The following MND1 variants were observed in gnomAD, a reference collection of about 807,000 sequenced individuals.
MND1 encodes meiotic nuclear division protein 1 homolog.
In MND1, 28 loss-of-function variants were observed where a neutral mutation model predicts 35.1. The ratio of observed to expected loss-of-function variants is 0.80; its 90% CI spans 0.59 to 1.09. The LOEUF (loss-of-function observed/expected upper bound fraction) is 1.09. MND1 is among the 50% of genes least tolerant of loss of function. The pLI, the probability that MND1 is intolerant of heterozygous loss-of-function variation, is 0.00. For synonymous variants in MND1, 69 were observed against 70.5 expected (o/e 0.98, Z 0.11); for missense variants, 213 against 239.6 (o/e 0.89, Z 0.73).
chr4:153,371,757 G>A (rs1369704920), intron 4 of MND1, among the ~76,000 whole-genome samples: 5 of 152,018 alleles, frequency 3.3e-5, no homozygotes, highest in African/African-American at 1.2e-4. Flanking sequence ...TACTAGATTA[G>A]CACTTTTAAT....
chr4:153,372,126 A>G (rs1379329772), intron 4 of MND1, among the ~76,000 whole-genome samples: 2 of 152,112 alleles, frequency 1.3e-5, no homozygotes, highest in Non-Finnish European at 2.9e-5. Flanking sequence ...TACAATAGTA[A>G]CATCAAGATC....
chr4:153,361,403 C>G (rs528112129), intron 4 of MND1: 49 of 453,538 alleles, frequency 1.1e-4, no homozygotes, highest in African/African-American at 8.0e-4. Flanking sequence ...TTAGTAATCT[C>G]TCTTCTGTTT....
intron 6 of MND1, among the ~76,000 whole-genome samples, chr4:153,408,046 T>TG (rs1346905737): frequency 2.0e-5 from 3 of 152,106 alleles, no homozygotes; most frequent in African/African-American, 7.2e-5. Flanking sequence ...GAGGCCAAGA[T>TG]GGGGTGGATC....
intron 4 of MND1, among the ~76,000 whole-genome samples, chr4:153,379,713 G>A (rs1340740627): frequency 6.6e-6 from 1 of 151,860 alleles, no homozygotes; most frequent in Admixed American, 6.6e-5. Context: ...AGCTGGGCAT[G>A]GTGATGTGTG....
intron 6 of MND1, among the ~76,000 whole-genome samples, chr4:153,404,345 CTTT>C (rs70963176): frequency 3.1e-5 from 4 of 129,732 alleles, no homozygotes; most frequent in African/African-American, 1.2e-4. Flanking sequence ...CCACGCCCAG[CTTT>C]TTTTTTTTTT....
chr4:153,352,461 CTA>C (rs534979533), intron 2 of MND1, among the ~76,000 whole-genome samples: 1 of 152,300 alleles, frequency 6.6e-6, no homozygotes, highest in South Asian at 2.1e-4. Flanking sequence ...CTTGACCTCT[CTA>C]TGTCTGTTTC....
intron 4 of MND1, among the ~76,000 whole-genome samples, chr4:153,377,093 C>T (rs1276610541): frequency 1.3e-5 from 2 of 152,140 alleles, no homozygotes; most frequent in Non-Finnish European, 2.9e-5. Context: ...CCCTGCTGAC[C>T]TCTTCCTTAG....
At chr4:153,378,435 C>T (rs1230483352) in intron 4 of MND1, among the ~76,000 whole-genome samples, 3 of 152,078 alleles carry the variant, frequency 2.0e-5, no homozygotes, top group Admixed American at 2.0e-4. Flanking sequence ...ATAAGTGTTA[C>T]ATAAAAGGGG....
intron 4 of MND1, among the ~76,000 whole-genome samples, chr4:153,379,849 CAAAAAAAA>C (rs34034237): frequency 9.3e-4 from 58 of 62,492 alleles, no homozygotes; most frequent in African/African-American, 2.8e-3. Flanking sequence ...GACTCCATCT[CAAAAAAAA>C]AAAAAAAAAA....
chr4:153,361,875 T>G (rs1773503480), intron 4 of MND1, among the ~76,000 whole-genome samples: 1 of 152,070 alleles, frequency 6.6e-6, no homozygotes, highest in Non-Finnish European at 1.5e-5. Flanking sequence ...TGGTATTACT[T>G]AAGCTGTTTC....
intron 6 of MND1, among the ~76,000 whole-genome samples, chr4:153,405,514 C>T (rs1445509162): frequency 4.1e-5 from 6 of 145,928 alleles, no homozygotes; most frequent in Middle Eastern, 3.6e-3. Context: ...CCAGCCTGGA[C>T]GACAGAGCAA....
At position 153,411,947 on chromosome 4, in the gene MND1, G is replaced by A. The variant is rs990933497; in HGVS notation, c.512-2804G>A. Among the ~76,000 whole-genome samples, 4 of 152,286 alleles carry A rather than the reference G, an allele frequency of 2.6e-5. 1 individual carries two copies. Among genetic ancestry groups the A allele is most frequent in the Middle Eastern group, 3.4e-3 (1 of 294 alleles). On this transcript the variant is annotated intron_variant, in intron 7 of 7. Coordinates refer to ENST00000240488, the MANE Select transcript of MND1 (RefSeq NM_032117.4). ...GCAGTGCACCTGATACTTGTCTTAT[G>A]TAGCAGCAGACATAACATTTGGATG...
chr4:153,387,159 TTTTG>T (rs1307523525), intron 4 of MND1, among the ~76,000 whole-genome samples: 2 of 152,072 alleles, frequency 1.3e-5, no homozygotes, highest in Non-Finnish European at 2.9e-5. Flanking sequence ...TTGCAGTGGT[TTTTG>T]TTTGTTTGTT....
chr4:153,394,298 A>AAAACT lies in MND1; in HGVS notation c.316_317insCTAAA (p.Ser106ThrfsTer20). The stretch of plus-strand genomic sequence containing the variant: ...AAGTCAAAAGCATGCAAGCCTACAG[A>AAAACT]AAAGCATTGAGAAAGCTAAAATTGG... On this transcript the variant is annotated frameshift_variant, in exon 5 of 8. Coordinates refer to ENST00000240488, the MANE Select transcript of MND1 (RefSeq NM_032117.4). LOFTEE classifies it high-confidence loss of function. The AAAACT allele has an allele frequency of 6.2e-7, 1 of 1,612,818 alleles. No individual in the cohort carries two copies.
chr4:153,409,882 C>T (rs1382482666), intron 7 of MND1, among the ~76,000 whole-genome samples: 1 of 151,968 alleles, frequency 6.6e-6, no homozygotes, highest in East Asian at 1.9e-4. Context: ...AAGTGTCCCA[C>T]AAAGTATAAA....
At chr4:153,346,306 G>A (rs1396733473) in intron 1 of MND1, among the ~76,000 whole-genome samples, 1 of 152,134 alleles carries the variant, frequency 6.6e-6, no homozygotes, top group African/African-American at 2.4e-5. Context: ...TAGTAGGGCT[G>A]GCTGTAGGAA....
At chr4:153,349,004 C>A (rs1773142562) in intron 1 of MND1, among the ~76,000 whole-genome samples, 1 of 151,676 alleles carries the variant, frequency 6.6e-6, no homozygotes, top group South Asian at 2.1e-4. Context: ...CCTTTATAAT[C>A]CCCTACAATT....
chr4:153,356,283 T>C (rs28615551), intron 3 of MND1, among the ~76,000 whole-genome samples: 50,621 of 151,970 alleles, frequency 0.33, 9,421 homozygotes, highest in African/African-American at 0.51. Context: ...GGGCTGGGCG[T>C]GGTGGCTCAC....
chr4:153,408,912 G>GTATATATATATA (rs10552163), intron 6 of MND1, 59 bp from the exon 7 acceptor site: 184 of 318,422 alleles, frequency 5.8e-4, no homozygotes, highest in African/African-American at 3.4e-3. Context: ...CATTTTGTGT[G>GTATATATATATA]TATATATATA....
Sources: allele counts gnomAD v4.1 joint callset (sites outside exome capture counted in the v4.1 genomes callset), GRCh38; gene constraint gnomAD v4.1.1; transcripts MANE v1.5; gene names NCBI Gene and HGNC (gene_info 2026-07-23, HGNC 2026-07-21).